NRG1: variants seen among roughly 807,000 people sequenced by gnomAD.
The protein encoded by NRG1 is neuregulin 1.
A neutral mutation model predicts 63.8 loss-of-function variants in NRG1; 18 were observed. The observed-to-expected ratio is 0.28, with a 90% CI of 0.19 to 0.42. NRG1 has a LOEUF of 0.42. NRG1 is among the 10% of genes least tolerant of loss of function. The pLI, the probability that NRG1 is intolerant of heterozygous loss-of-function variation, is 1.00. For synonymous variants in NRG1, 302 were observed against 301.3 expected, an observed-to-expected ratio of 1.00 and a Z score of -0.02; for missense variants, 762 against 814.7, an observed-to-expected ratio of 0.94 and a Z score of 0.79.
At chr8:32,718,710 G>T (rs540153715) in intron 5 of NRG1, among the ~76,000 whole-genome samples, 10 of 152,014 alleles carry the variant, frequency 6.6e-5, no homozygotes, top group Middle Eastern at 3.4e-3. Context: ...TCTTACCTCC[G>T]CATTTATTTG....
intron 1 of NRG1, chr8:32,030,389 T>C (rs909739848): frequency 3.9e-5 from 6 of 152,212 alleles, no homozygotes; most frequent in African/African-American, 1.4e-4. Flanking sequence ...AAGAATAAAC[T>C]TGAAGACAAA....
chr8:31,831,931 ACAATGAC>A (rs1238895130), intron 1 of NRG1, among the ~76,000 whole-genome samples: 5 of 152,116 alleles, frequency 3.3e-5, no homozygotes, highest in Non-Finnish European at 7.3e-5. Context: ...ACAAAGGATG[ACAATGAC>A]CATATTTTAA....
intron 1 of NRG1, among the ~76,000 whole-genome samples, chr8:31,854,730 C>A (rs1162492195): frequency 6.6e-6 from 1 of 152,078 alleles, no homozygotes; most frequent in Non-Finnish European, 1.5e-5. Context: ...ATCTTTCCTC[C>A]TTTCTCTTGT....
At chr8:31,681,845 T>G (rs1193409203) in intron 1 of NRG1, among the ~76,000 whole-genome samples, 1 of 151,862 alleles carries the variant, frequency 6.6e-6, no homozygotes, top group African/African-American at 2.4e-5. Flanking sequence ...GAGCAGAAAA[T>G]AGAGTTCCCA....
Position 32,368,821 on chromosome 8 carries a change from A to T in NRG1, c.38-227007A>T, listed in dbSNP as rs143845165. 2.5e-3 allele frequency among the ~76,000 whole-genome samples: 375 copies of T among 152,346 alleles called. 1 individual carries two copies. Among genetic ancestry groups the T allele is most frequent in the African/African-American group, 7.9e-3 (327 of 41,582 alleles). ...ATAATTTTAATTTAAAAAATGATGT[A>T]AACTTATTTTAGCAAAATTGAAGAC... On this transcript the variant is annotated intron_variant, in intron 1 of 10. Transcript: ENST00000519301.
chr8:32,429,682 C>T (rs889351132), intron 1 of NRG1, among the ~76,000 whole-genome samples: 5 of 152,060 alleles, frequency 3.3e-5, no homozygotes, highest in African/African-American at 9.7e-5. Flanking sequence ...TGGGCAATAC[C>T]GTAAACTGGC....
At chr8:32,521,573 G>C (rs1393694808) in intron 1 of NRG1, among the ~76,000 whole-genome samples, 1 of 152,150 alleles carries the variant, frequency 6.6e-6, no homozygotes, top group African/African-American at 2.4e-5. Context: ...CTCAAAGACA[G>C]AGAAGGTATA....
chr8:31,868,629 A>C (rs1829205147), intron 1 of NRG1, among the ~76,000 whole-genome samples: 1 of 152,184 alleles, frequency 6.6e-6, no homozygotes, highest in Admixed American at 6.5e-5. Context: ...TTTCAAATGT[A>C]TTCGCTCTTC....
intron 1 of NRG1, among the ~76,000 whole-genome samples, chr8:31,667,059 A>G (rs765648332): frequency 7.0e-4 from 106 of 152,208 alleles, no homozygotes; most frequent in Non-Finnish European, 1.1e-3. Context: ...TCCAGTGTCT[A>G]CTTAATTCTA....
At chr8:31,921,339 A>C (rs1330270774) in intron 1 of NRG1, among the ~76,000 whole-genome samples, 1 of 152,132 alleles carries the variant, frequency 6.6e-6, no homozygotes, top group African/African-American at 2.4e-5. Context: ...TGTCTCAGTG[A>C]TTGGAGCCAG....
chr8:31,707,218 A>T (rs1449229702), intron 1 of NRG1, among the ~76,000 whole-genome samples: 1 of 152,030 alleles, frequency 6.6e-6, no homozygotes, highest in Non-Finnish European at 1.5e-5. Context: ...TTGTAGTAAG[A>T]AGTTTATTTT....
At chr8:32,326,867 T>TA (rs1179617416) in intron 1 of NRG1, among the ~76,000 whole-genome samples, 4 of 152,092 alleles carry the variant, frequency 2.6e-5, no homozygotes, top group African/African-American at 4.8e-5. Flanking sequence ...TATTTAAAAT[T>TA]AAAAAAACCT....
intron 1 of NRG1, among the ~76,000 whole-genome samples, chr8:32,541,849 G>T (rs899731097): frequency 6.6e-6 from 1 of 152,184 alleles, no homozygotes. Context: ...AAATATTAGA[G>T]AGATTAAATC....
chr8:32,124,120 T>A (rs1487117599), intron 1 of NRG1, among the ~76,000 whole-genome samples: 7 of 152,008 alleles, frequency 4.6e-5, no homozygotes, highest in Non-Finnish European at 5.9e-5. Flanking sequence ...AAATGACATG[T>A]GACAACCTAA....
intron 1 of NRG1, among the ~76,000 whole-genome samples, chr8:32,515,381 G>T (rs998468107): frequency 6.6e-6 from 1 of 152,098 alleles, no homozygotes; most frequent in East Asian, 1.9e-4. Flanking sequence ...TTTTTCATAC[G>T]TTTGGTAGCT....
intron 1 of NRG1, among the ~76,000 whole-genome samples, chr8:31,725,351 A>G (rs1563331794): frequency 6.6e-6 from 1 of 152,130 alleles, no homozygotes; most frequent in African/African-American, 2.4e-5. Context: ...GAGAAAACTC[A>G]TTTTCGGAGG....
At chr8:31,818,658 C>T (rs543294000) in intron 1 of NRG1, among the ~76,000 whole-genome samples, 6 of 152,290 alleles carry the variant, frequency 3.9e-5, no homozygotes, top group Admixed American at 3.3e-4. Flanking sequence ...GGAGGTAATA[C>T]TCGCTCACCT....
intron 1 of NRG1, among the ~76,000 whole-genome samples, chr8:32,155,255 A>C (rs1348376384): frequency 6.6e-6 from 1 of 152,108 alleles, no homozygotes; most frequent in African/African-American, 2.4e-5. Context: ...TCATAGCAAA[A>C]ATTTTTATTA....
At chr8:31,853,510 G>C (rs1360852460) in intron 1 of NRG1, among the ~76,000 whole-genome samples, 1 of 149,782 alleles carries the variant, frequency 6.7e-6, no homozygotes, top group Admixed American at 6.7e-5. Flanking sequence ...GGAGATTTTG[G>C]GCTGAGACGA....
Sources: gnomAD v4.1 joint callset for allele counts (sites outside exome capture counted in the v4.1 genomes callset) on GRCh38, gnomAD v4.1.1 for gene constraint, MANE v1.5 for transcripts, NCBI Gene and HGNC (gene_info 2026-07-23, HGNC 2026-07-21) for gene names.